Variants in GRIN2A observed in about 807,000 individuals in gnomAD.
GRIN2A encodes the protein glutamate receptor ionotropic, NMDA 2A.
A neutral mutation model predicts 113.4 loss-of-function variants in GRIN2A; 22 were observed. That is an observed-to-expected ratio of 0.19 (90% confidence interval 0.14 to 0.28). The LOEUF is 0.28. Ranked by LOEUF, GRIN2A falls within the 10% of genes least tolerant of loss-of-function variation. The pLI is 1.00. For missense variants in GRIN2A, 1,502 were observed against 1,887.0 expected, an observed-to-expected ratio of 0.80 and a Z score of 3.78; for synonymous variants, 827 against 738.4, an observed-to-expected ratio of 1.12 and a Z score of -1.94.
At chr16:10,023,138 A>T (rs2046756289) in intron 2 of GRIN2A, among the ~76,000 whole-genome samples, 1 of 152,226 alleles carries the variant, frequency 6.6e-6, no homozygotes, top group Non-Finnish European at 1.5e-5. Context: ...GAGATGGTAG[A>T]TTCCGACTGA....
At chr16:10,174,759 C>A (rs903951856) in intron 2 of GRIN2A, among the ~76,000 whole-genome samples, 1 of 151,360 alleles carries the variant, frequency 6.6e-6, no homozygotes, top group Non-Finnish European at 1.5e-5. Flanking sequence ...AAATAATAGA[C>A]CAGACACAAA....
chr16:9,818,900 C>T (rs772867886), intron 10 of GRIN2A, among the ~76,000 whole-genome samples: 18 of 152,072 alleles, frequency 1.2e-4, no homozygotes, highest in African/African-American at 2.4e-4. Context: ...CTGAATGTGA[C>T]GCAATACAAA....
At chr16:9,828,663 C>T (rs895042943) in intron 9 of GRIN2A, among the ~76,000 whole-genome samples, 5 of 152,142 alleles carry the variant, frequency 3.3e-5, no homozygotes, top group African/African-American at 1.2e-4. Flanking sequence ...CTCTTTTCTT[C>T]CTCAATGTGT....
intron 2 of GRIN2A, among the ~76,000 whole-genome samples, chr16:10,001,608 G>A (rs2141843854): frequency 6.6e-6 from 1 of 152,284 alleles, no homozygotes; most frequent in South Asian, 2.1e-4. Flanking sequence ...ATCTTTAGAA[G>A]GTTCTCAGAA....
chr16:10,015,252 C>CAAAAAAAAAAAAAAAAAAAAAAA (rs200124835), intron 2 of GRIN2A, among the ~76,000 whole-genome samples: 9 of 19,292 alleles, frequency 4.7e-4, no homozygotes, highest in Non-Finnish European at 6.3e-4. Flanking sequence ...GACTTCATCT[C>CAAAAAAAAAAAAAAAAAAAAAAA]AAAAAAAAAA....
At chr16:9,794,955 G>T (rs1426566322) in intron 11 of GRIN2A, among the ~76,000 whole-genome samples, 1 of 152,132 alleles carries the variant, frequency 6.6e-6, no homozygotes, top group Non-Finnish European at 1.5e-5. Flanking sequence ...GGAGGGTGGT[G>T]GTGATGGCCA....
chr16:9,995,496 A>G (rs2046205264), intron 2 of GRIN2A, among the ~76,000 whole-genome samples: 1 of 152,188 alleles, frequency 6.6e-6, no homozygotes, highest in African/African-American at 2.4e-5. Flanking sequence ...GATATTGTGA[A>G]GAAGACCAGC....
chr16:9,882,402 G>A (rs757382838), intron 4 of GRIN2A, among the ~76,000 whole-genome samples: 23 of 152,184 alleles, frequency 1.5e-4, no homozygotes, highest in Admixed American at 1.4e-3. Flanking sequence ...TCCTATAACT[G>A]GAATCTACTT....
intron 2 of GRIN2A, among the ~76,000 whole-genome samples, chr16:9,992,187 C>T (rs766215633): frequency 2.2e-4 from 34 of 152,190 alleles, no homozygotes; most frequent in Middle Eastern, 6.8e-3. Context: ...TTTTCTTTAT[C>T]CAATGATCCG....
intron 10 of GRIN2A, among the ~76,000 whole-genome samples, chr16:9,810,016 C>T (rs867548463): frequency 9.9e-5 from 15 of 152,206 alleles, no homozygotes; most frequent in African/African-American, 2.9e-4. Context: ...TGCAGTGGGC[C>T]GAGATCGCGC....
intron 2 of GRIN2A, among the ~76,000 whole-genome samples, chr16:10,178,420 G>A (rs1005651573): frequency 6.6e-6 from 1 of 152,290 alleles, no homozygotes; most frequent in African/African-American, 2.4e-5. Context: ...TGTGGTCTTG[G>A]CAAATTCCCT....
At chr16:10,121,079 C>A (rs147466603) in intron 2 of GRIN2A, among the ~76,000 whole-genome samples, 15 of 152,306 alleles carry the variant, frequency 9.8e-5, no homozygotes, top group Non-Finnish European at 1.6e-4. Context: ...GATATACTTT[C>A]ATCGGTCCAA....
chr16:10,099,510 C>G (rs1596503559), intron 2 of GRIN2A, among the ~76,000 whole-genome samples: 1 of 152,122 alleles, frequency 6.6e-6, no homozygotes, highest in Non-Finnish European at 1.5e-5. Context: ...TAGTGTTCCC[C>G]TGGCTCAAAG....
At chr16:9,871,367 T>C (rs904613985) in intron 4 of GRIN2A, among the ~76,000 whole-genome samples, 1 of 151,958 alleles carries the variant, frequency 6.6e-6, no homozygotes, top group Non-Finnish European at 1.5e-5. Context: ...CTCTAAAACT[T>C]TGGACCCAGG....
chr16:10,129,990 C>T (rs192358818), intron 2 of GRIN2A, among the ~76,000 whole-genome samples: 1 of 152,252 alleles, frequency 6.6e-6, no homozygotes. Context: ...ATGGTTTCTA[C>T]ATAGCAGGTA....
intron 8 of GRIN2A, among the ~76,000 whole-genome samples, chr16:9,832,835 T>C (rs1214032204): frequency 2.0e-5 from 3 of 152,202 alleles, no homozygotes; most frequent in African/African-American, 7.2e-5. Context: ...TTGTTTAGTA[T>C]CTGGTTGATT....
chr16:10,038,504 G>A (rs1483758498), intron 2 of GRIN2A, among the ~76,000 whole-genome samples: 1 of 151,974 alleles, frequency 6.6e-6, no homozygotes, highest in Non-Finnish European at 1.5e-5. Context: ...CCTACTAGAT[G>A]CCAGTAGCAA....
intron 2 of GRIN2A, among the ~76,000 whole-genome samples, chr16:10,140,778 A>C (rs565791315): frequency 8.5e-5 from 13 of 152,222 alleles, no homozygotes; most frequent in Non-Finnish European, 1.6e-4. Flanking sequence ...TGAAGCGACC[A>C]GGAAGTGGAC....
intron 2 of GRIN2A, among the ~76,000 whole-genome samples, chr16:10,167,016 T>C (rs1013609487): frequency 1.3e-5 from 2 of 152,232 alleles, no homozygotes; most frequent in African/African-American, 4.8e-5. Flanking sequence ...TTGGTAAGGC[T>C]TCTGATCAAC....
Sources: gnomAD v4.1 joint callset for allele counts (sites outside exome capture counted in the v4.1 genomes callset) on GRCh38, gnomAD v4.1.1 for gene constraint, MANE v1.5 for transcripts, NCBI Gene and HGNC (gene_info 2026-07-23, HGNC 2026-07-21) for gene names.